The following LPXN variants were observed in gnomAD, a reference collection of about 807,000 sequenced individuals.
LPXN encodes the protein leupaxin.
LPXN carries 28 observed loss-of-function variants against 45.6 expected under a neutral mutation model. The ratio of observed to expected loss-of-function variants is 0.61; its 90% CI spans 0.45 to 0.84. The LOEUF is 0.84. LPXN is among the 40% of genes least tolerant of loss of function. The pLI is 0.00. For synonymous variants in LPXN, 166 were observed against 169.9 expected (o/e 0.98, Z 0.18); for missense variants, 459 against 475.0 (o/e 0.97, Z 0.31).
chr11:58,547,797 T>C (rs1230154079), intron 7 of LPXN, among the ~76,000 whole-genome samples: 1 of 152,226 alleles, frequency 6.6e-6, no homozygotes. Flanking sequence ...TTAGAACTGT[T>C]TTTTAACAGT....
At chr11:58,540,849 A>G (rs549991430) in intron 7 of LPXN, among the ~76,000 whole-genome samples, 13 of 152,264 alleles carry the variant, frequency 8.5e-5, no homozygotes, top group African/African-American at 2.9e-4. Context: ...TTTTAAAACA[A>G]GTGCACCTCA....
At chr11:58,532,905 G>A (rs1020068487) in intron 7 of LPXN, among the ~76,000 whole-genome samples, 7 of 152,174 alleles carry the variant, frequency 4.6e-5, no homozygotes, top group African/African-American at 1.7e-4. Context: ...GCCTTTATGA[G>A]CTGTAACACT....
At chr11:58,572,921 A>C (rs1854752097) in intron 1 of LPXN, among the ~76,000 whole-genome samples, 1 of 152,158 alleles carries the variant, frequency 6.6e-6, no homozygotes, top group Non-Finnish European at 1.5e-5. Context: ...TGCATACTTA[A>C]ATTTCTTTAT....
At chr11:58,539,487 T>C (rs1565188018) in intron 7 of LPXN, among the ~76,000 whole-genome samples, 1 of 152,166 alleles carries the variant, frequency 6.6e-6, no homozygotes, top group Non-Finnish European at 1.5e-5. Flanking sequence ...TTAGGCCTGA[T>C]ATATCTTGCT....
intron 2 of LPXN, among the ~76,000 whole-genome samples, chr11:58,565,689 TA>T (rs768075196): frequency 4.3e-4 from 65 of 152,020 alleles, no homozygotes; most frequent in Non-Finnish European, 7.8e-4. Flanking sequence ...CAAGCAACTT[TA>T]AAAAAATATT....
chr11:58,578,466 C>A (rs963508779), upstream of LPXN, among the ~76,000 whole-genome samples: 1 of 152,224 alleles, frequency 6.6e-6, no homozygotes, highest in Non-Finnish European at 1.5e-5. Context: ...GCCCCCACAA[C>A]CCCGCCTCCG....
upstream of LPXN, chr11:58,576,046 A>G (rs1008228516): frequency 1.4e-6 from 1 of 722,954 alleles, no homozygotes; most frequent in Non-Finnish European, 1.7e-6. Flanking sequence ...GGTGATAAAG[A>G]TTCAAAATTA....
At chr11:58,537,222 T>A (rs1424193812) in intron 7 of LPXN, among the ~76,000 whole-genome samples, 1 of 152,218 alleles carries the variant, frequency 6.6e-6, no homozygotes, top group African/African-American at 2.4e-5. Context: ...ATATGCTTAT[T>A]GCAGTACTAT....
chr11:58,528,348 A>C (rs1488718583), intron 7 of LPXN, among the ~76,000 whole-genome samples, 157 bp from the exon 8 acceptor site: 1 of 152,248 alleles, frequency 6.6e-6, no homozygotes, highest in Non-Finnish European at 1.5e-5. Context: ...AATAAATGAG[A>C]TAATGCAGAG....
upstream of LPXN, among the ~76,000 whole-genome samples, chr11:58,578,699 A>T (rs948581924): frequency 6.6e-5 from 10 of 152,126 alleles, no homozygotes; most frequent in East Asian, 1.2e-3. Context: ...CCCTTGTGGT[A>T]TCAGTGGCTC....
upstream of LPXN, chr11:58,575,942 T>C: frequency 8.3e-7 from 1 of 1,210,502 alleles, no homozygotes; most frequent in Non-Finnish European, 1.1e-6. Flanking sequence ...TTGGTGAGCT[T>C]TTTTTTTTTT....
intron 7 of LPXN, among the ~76,000 whole-genome samples, chr11:58,545,373 C>T (rs1853847256): frequency 6.6e-6 from 1 of 152,168 alleles, no homozygotes; most frequent in Admixed American, 6.5e-5. Flanking sequence ...TTTCAGGCAA[C>T]TTCTCCATCA....
chr11:58,559,624 C>T (rs1256975322), intron 3 of LPXN, among the ~76,000 whole-genome samples: 6 of 152,132 alleles, frequency 3.9e-5, no homozygotes, highest in Non-Finnish European at 8.8e-5. Flanking sequence ...GCCTGTAATC[C>T]TAGCACTTCA....
In LPXN at chr11:58,551,235, G is replaced by C; in HGVS notation, c.319-3C>G. 6.3e-7 allele frequency: 1 copy of C among 1,598,248 alleles called. No individual in the cohort carries two copies. Among genetic ancestry groups the C allele is most frequent in the Non-Finnish European group, 8.5e-7 (1 of 1,173,512 alleles). The stretch of plus-strand genomic sequence containing the variant: ...CCAGCATCTGCTCTCACTGCAACCT[G>C]GCCCAAGGGAAGAACCAAGAACAGA... On this transcript the variant is annotated splice_region_variant and splice_polypyrimidine_tract_variant and intron_variant, in intron 4 of 8. Transcript: ENST00000395074.
At chr11:58,558,707 G>A (rs748423080) in intron 3 of LPXN, among the ~76,000 whole-genome samples, 1 of 151,668 alleles carries the variant, frequency 6.6e-6, no homozygotes, top group Non-Finnish European at 1.5e-5. Flanking sequence ...CAGACTATTC[G>A]ACTCAAAGAA....
At chr11:58,551,699 T>TTAAA (rs960294687) in intron 4 of LPXN, among the ~76,000 whole-genome samples, 2 of 152,090 alleles carry the variant, frequency 1.3e-5, no homozygotes, top group African/African-American at 4.8e-5. Context: ...CAATAAATAA[T>TTAAA]TAAATAAATA....
At chr11:58,551,041 G>C in intron 5 of LPXN, 24 bp downstream of exon 5, 1 of 1,531,970 alleles carries the variant, frequency 6.5e-7, no homozygotes, top group African/African-American at 1.4e-5. Flanking sequence ...AAGGCTGTAG[G>C]ACCAAAATTT....
chr11:58,542,374 T>C (rs1249214358), intron 7 of LPXN, among the ~76,000 whole-genome samples: 9 of 151,964 alleles, frequency 5.9e-5, no homozygotes, highest in African/African-American at 1.9e-4. Flanking sequence ...GAATGATCCA[T>C]ATATTCATAT....
chr11:58,564,181 G>T lies in LPXN; in HGVS notation c.192C>A (p.Thr64=). The part of the protein sequence containing the change: ...SPLPAQLVYT[T]NIQELNVYSE... ...TGTAGACATTGAGCTCCTGGATATTGGTAGTATACACGAGCTGCGCCTAAG... is the reference window on the plus strand; with the variant it reads ...TGTAGACATTGAGCTCCTGGATATTTGTAGTATACACGAGCTGCGCCTAAG... Residue 64 remains threonine (T), a synonymous_variant, in exon 3 of 9, where the codon ACC becomes ACA. Coordinates refer to ENST00000395074, the MANE Select transcript of LPXN (RefSeq NM_004811.3). 1 of 1,603,480 alleles carries T rather than the reference G, an allele frequency of 6.2e-7. No homozygotes were observed. Among genetic ancestry groups the T allele is most frequent in the Non-Finnish European group, 8.5e-7 (1 of 1,174,104 alleles).
Sources: gnomAD v4.1 joint callset for allele counts (sites outside exome capture counted in the v4.1 genomes callset) on GRCh38, gnomAD v4.1.1 for gene constraint, MANE v1.5 for transcripts, NCBI Gene and HGNC (gene_info 2026-07-23, HGNC 2026-07-21) for gene names.